The following PCNX3 variants were observed in gnomAD, a reference collection of about 807,000 sequenced individuals.
PCNX3 encodes the protein pecanex 3, also known as pecanex-like protein 3.
A neutral mutation model predicts 207.2 loss-of-function variants in PCNX3; 58 were observed. The observed-to-expected ratio is 0.28, with a 90% CI of 0.23 to 0.35. The LOEUF (loss-of-function observed/expected upper bound fraction) is 0.35. Ranked by LOEUF, PCNX3 falls within the 10% of genes least tolerant of loss-of-function variation. The pLI, the probability that PCNX3 is intolerant of heterozygous loss-of-function variation, is 1.00. For synonymous variants in PCNX3, 1,337 were observed against 1,183.5 expected (o/e 1.13, Z -2.66); for missense variants, 2,410 against 2,774.4 (o/e 0.87, Z 2.95).
rs749460321 is a variant in PCNX3, at chr11:65,626,917, G to T, written c.3393G>T (p.Val1131=). 3 of 1,586,476 alleles carry T rather than the reference G, an allele frequency of 1.9e-6. No individual in the cohort carries two copies. The highest frequency in any genetic ancestry group is 2.7e-5 in the African/African-American group (2 of 74,368). Residue 1131 remains valine (V), a synonymous_variant, in exon 21 of 35, where the codon GTG becomes GTT. Transcript: ENST00000355703. ...SQYEVRGAAQ[V]MWFEKLYAGL... ...CTCTCCACACAGGTGCCGCCCAGGT[G>T]ATGTGGTTTGAGAAGCTGTATGCTG...
chr11:65,617,861 G>T, intron 5 of PCNX3, 79 bp from the exon 6 acceptor site: 1 of 1,469,548 alleles, frequency 6.8e-7, no homozygotes, highest in Non-Finnish European at 9.2e-7. Context: ...GAAAGTACAG[G>T]GCATAAGACC....
intron 6 of PCNX3, 188 bp from the exon 7 acceptor site, chr11:65,619,349 C>A: frequency 1.3e-6 from 1 of 799,852 alleles, no homozygotes; most frequent in Non-Finnish European, 1.5e-6. Context: ...GGGGCAGGGC[C>A]GATCAGTGTC....
chr11:65,634,001 G>C, intron 27 of PCNX3, 125 bp from the exon 28 acceptor site: 1 of 888,796 alleles, frequency 1.1e-6, no homozygotes, highest in Non-Finnish European at 1.7e-6. Flanking sequence ...GATGGCTCTA[G>C]GAGCGGGGCA....
At position 65,623,845 on chromosome 11, in the gene PCNX3, AGTG is replaced by A. The variant is rs1590883170; in HGVS notation, c.2512-79_2512-77del. ...CTGACCTGGTCACTCATAACTGCCT[AGTG>A]GTGGAGCTGAACAGGTCTGGGGCCT... is the stretch of plus-strand genomic sequence containing the variant. On this transcript the variant is annotated intron_variant, in intron 12 of 34. Coordinates refer to ENST00000355703, the MANE Select transcript of PCNX3 (RefSeq NM_032223.4). 5.7e-6 allele frequency: 9 copies of A among 1,589,714 alleles called. No homozygotes were observed. The East Asian group carries it at 2.0e-4, about 36-fold the overall frequency.
intron 10 of PCNX3, 128 bp from the exon 11 acceptor site, chr11:65,622,117 T>C (rs1855135686): frequency 7.0e-7 from 1 of 1,424,108 alleles, no homozygotes; most frequent in Non-Finnish European, 9.2e-7. Flanking sequence ...CTGATGGAAA[T>C]GGTCAACCAG....
rs994309001 is a variant in PCNX3, at chr11:65,620,840, C to T, written c.2109C>T (p.His703=). 7 of 1,595,190 alleles carry T rather than the reference C, an allele frequency of 4.4e-6. No individual in the cohort carries two copies. The highest frequency in any genetic ancestry group is 1.7e-6 in the Non-Finnish European group (2 of 1,172,000). The part of the protein sequence containing the change: ...EQTANGAWDR[H]SHSSSFHSAD... ...GCTGCTGTTCTCACAGGGACCGACA[C>T]TCGCATTCCTCCAGCTTCCACTCGG... Residue 703 remains histidine (H), a synonymous_variant, in exon 10 of 35, where the codon CAC becomes CAT. Transcript: ENST00000355703.
rs1176524841 is a variant in PCNX3 at position 65,636,610 on chromosome 11, TG to T, written c.5819del (p.Gly1940AlafsTer28). ...SSEGPSGKWS[L>X]GGRKGLGGSD... ...GAGGGCCCCAGTGGAAAGTGGAGCC[TG>T]GGGGGCCGGAAGGGGCTGGGAGGAT... On this transcript the variant is annotated frameshift_variant, in exon 34 of 35. Coordinates refer to ENST00000355703, the MANE Select transcript of PCNX3 (RefSeq NM_032223.4). LOFTEE classifies it high-confidence loss of function. The T allele has an allele frequency of 2.5e-6, 4 of 1,586,098 alleles. No individual in the cohort carries two copies. Among genetic ancestry groups the T allele is most frequent in the East Asian group, 2.3e-5 (1 of 43,776 alleles).
Position 65,619,541 on chromosome 11 carries a change from C to A in PCNX3, c.1710C>A (p.Ala570=). The change falls in exon 7 of 35, where the codon GCC becomes GCA. Residue 570 remains alanine, a synonymous_variant. Coordinates refer to ENST00000355703, the MANE Select transcript of PCNX3 (RefSeq NM_032223.4). ...TGGGGGCCTCTCTCTGGGCAGCGGC[C>A]GAGGAGACTGGCAGGCGGGACCGCT... The part of the protein sequence containing the change: ...LQEEGAVGGA[A]EETGRRDRSS... 1.9e-6 allele frequency: 3 copies of A among 1,611,490 alleles called. No homozygotes were observed. Among genetic ancestry groups the A allele is most frequent in the Non-Finnish European group, 2.5e-6 (3 of 1,179,662 alleles).
chr11:65,620,888 C>T lies in PCNX3; in HGVS notation c.2157C>T (p.Gly719=), dbSNP rs764524026. 1.0e-5 allele frequency: 16 copies of T among 1,576,420 alleles called. No homozygotes were observed. The highest frequency in any genetic ancestry group is 2.4e-5 in the East Asian group (1 of 42,412). The change falls in exon 10 of 35, where the codon GGC becomes GGT. Residue 719 remains glycine, a synonymous_variant. Coordinates refer to ENST00000355703, the MANE Select transcript of PCNX3 (RefSeq NM_032223.4). ...FHSADVPEAT[G]GLNLLQPRPV... ...CGGCTGATGTCCCTGAGGCTACAGG[C>T]GGCCTGAACCTGCTGCAGCCGAGGC...
In PCNX3 at chr11:65,636,449, T is replaced by G; in HGVS notation, c.5652T>G (p.Ser1884Arg). The G allele has an allele frequency of 6.4e-7, 1 of 1,556,768 alleles. No homozygotes were observed. The highest frequency in any genetic ancestry group is 8.7e-7 in the Non-Finnish European group (1 of 1,153,300). The change falls in exon 34 of 35, where the codon AGT (serine) becomes AGG (arginine). Residue 1884 changes from serine (S) to arginine (R), a missense_variant. By Grantham distance (110) the Ser-to-Arg change is moderately radical. Transcript: ENST00000355703. ...GCTGGGGGCCGCGGTCCTCCCTGAG[T>G]GGCTCTGGTGATGGGCGGCCCCCAC... Reference protein sequence around the residue: ...GPGWGPRSSLSGSGDGRPPPL... With the variant: ...GPGWGPRSSLRGSGDGRPPPL...
intron 2 of PCNX3, 70 bp from the exon 3 acceptor site, chr11:65,617,180 C>G: frequency 1.4e-6 from 2 of 1,463,710 alleles, no homozygotes; most frequent in South Asian, 1.2e-5. Flanking sequence ...GAAGCAGTGA[C>G]AAAGATGGGA....
chr11:65,629,520 G>T lies in PCNX3; in HGVS notation c.4001G>T (p.Gly1334Val). Residue 1334 changes from glycine to valine, a missense_variant and splice_region_variant, in exon 26 of 35, where the codon GGC (glycine) becomes GTC (valine). This residue lies in a region of PCNX3 where 420 missense variants were observed against 705.3 expected (regional missense o/e 0.60). Coordinates refer to ENST00000355703, the MANE Select transcript of PCNX3 (RefSeq NM_032223.4). ...RLVTQLDRNP[G>V]ADDNNLNSIF... Reference sequence around the variant, plus strand: ...TTTGCCCGTCTGTTCTGGGTCTTAGGCGCTGATGACAACAACCTCAACTCC... The same window carrying T: ...TTTGCCCGTCTGTTCTGGGTCTTAGTCGCTGATGACAACAACCTCAACTCC... 4 of 1,613,624 alleles carry T rather than the reference G, an allele frequency of 2.5e-6. No individual in the cohort carries two copies. Among genetic ancestry groups the T allele is most frequent in the Non-Finnish European group, 3.4e-6 (4 of 1,179,766 alleles).
intron 26 of PCNX3, among the ~76,000 whole-genome samples, chr11:65,630,043 G>C (rs905112550): frequency 3.3e-5 from 5 of 152,336 alleles, no homozygotes; most frequent in African/African-American, 1.2e-4. Flanking sequence ...CTCAGGCTTG[G>C]CCCATGGGTT....
rs1211695006 is a variant in PCNX3, at chr11:65,635,784, C to T, written c.5440C>T (p.Leu1814Phe). The T allele has an allele frequency of 6.2e-7, 1 of 1,603,822 alleles. No homozygotes were observed. The highest frequency in any genetic ancestry group is 8.5e-7 in the Non-Finnish European group (1 of 1,175,744). ...PISLGAIAHW[L>F]LRTWERLHKG... ...CAGCCTGGGTGCCATTGCCCACTGG[C>T]TCCTGCGCACCTGGGAGAGGTGAGG... Residue 1814 changes from leucine to phenylalanine, a missense_variant, in exon 32 of 35, where the codon CTC becomes TTC. By Grantham distance (22) the Leu-to-Phe change is conservative. This residue lies in a region of PCNX3 where 59 missense variants were observed against 83.9 expected (regional missense o/e 0.70). Transcript: ENST00000355703. This position sits in a 1 kb window ranked among gnomAD's most constrained non-coding sequence, Gnocchi z 9.9.
At chr11:65,624,682 C>G in intron 15 of PCNX3, 101 bp downstream of exon 15, 1 of 1,133,410 alleles carries the variant, frequency 8.8e-7, no homozygotes, top group Non-Finnish European at 1.3e-6. Context: ...CCTTCTCCTG[C>G]GTCTGTACTG....
At position 65,636,373 on chromosome 11, in the gene PCNX3, C is replaced by CTT; in HGVS notation, c.5594-17_5594-16dup. 1 of 1,580,302 alleles carries CTT rather than the reference C, an allele frequency of 6.3e-7. No individual in the cohort carries two copies. The highest frequency in any genetic ancestry group is 8.6e-7 in the Non-Finnish European group (1 of 1,162,874). On this transcript the variant is annotated splice_polypyrimidine_tract_variant and intron_variant, in intron 33 of 34. Transcript: ENST00000355703. The stretch of plus-strand genomic sequence containing the variant: ...GCAGCCCAGCTGAGGCCTCTGCTGT[C>CTT]TTATCTGTCTCCTACAGGCAATGGT...
At chr11:65,622,169 G>T (rs1855141144) in intron 10 of PCNX3, 76 bp from the exon 11 acceptor site, 6 of 1,504,760 alleles carry the variant, frequency 4.0e-6, no homozygotes, top group South Asian at 1.3e-5. Context: ...CATGTGGGGG[G>T]TGGCGGGGCT....
intron 20 of PCNX3, chr11:65,626,444 T>C: frequency 2.5e-6 from 1 of 404,206 alleles, no homozygotes; most frequent in South Asian, 2.1e-5. Flanking sequence ...TCCTGGAGCC[T>C]CTATTTTAGC....
chr11:65,630,520 G>A lies in PCNX3; in HGVS notation c.4386G>A (p.Glu1462=). ...TAACAGCCAGCAAGTACGTGCTGGA[G>A]GGCTATAGCATTAGTGACAATAATG... ...WEVTASKYVL[E]GYSISDNNAA... Residue 1462 remains glutamate, a synonymous_variant, in exon 27 of 35, where the codon GAG becomes GAA. Transcript: ENST00000355703. The A allele has an allele frequency of 1.9e-6, 3 of 1,613,640 alleles. No individual in the cohort carries two copies. The highest frequency in any genetic ancestry group is 2.5e-6 in the Non-Finnish European group (3 of 1,179,886).
Sources: gnomAD v4.1 joint callset for allele counts (sites outside exome capture counted in the v4.1 genomes callset) on GRCh38, gnomAD v4.1.1 for gene constraint, gnomAD v4.1.1 regional missense constraint, Gnocchi (gnomAD v3.1) non-coding constraint, MANE v1.5 for transcripts, NCBI Gene and HGNC (gene_info 2026-07-23, HGNC 2026-07-21) for gene names.